USPL1: variants seen among roughly 807,000 people sequenced by gnomAD.
USPL1 encodes SUMO-specific isopeptidase USPL1.
Under a neutral mutation model 51.5 loss-of-function variants are expected in USPL1, and 27 were observed. That is an observed-to-expected ratio of 0.52 (90% CI 0.39 to 0.72). The LOEUF (loss-of-function observed/expected upper bound fraction) is 0.72. Among genes scored for constraint, USPL1 ranks in the 30% least tolerant of loss-of-function variants. The pLI is 0.00. For synonymous variants in USPL1, 451 were observed against 459.6 expected, an observed-to-expected ratio of 0.98 and a Z score of 0.24; for missense variants, 1,226 against 1,268.0, an observed-to-expected ratio of 0.97 and a Z score of 0.50.
At chr13:30,642,805 A>T in intron 6 of USPL1, 48 bp downstream of exon 6, 1 of 1,587,370 alleles carries the variant, frequency 6.3e-7, no homozygotes, top group Non-Finnish European at 8.6e-7. Flanking sequence ...TTTCTCCACC[A>T]CTAAGGTTAA....
Position 30,659,465 on chromosome 13 carries a change from AC to A in USPL1, c.*111del. 1 of 1,018,580 alleles carries A rather than the reference AC, an allele frequency of 9.8e-7. No homozygotes were observed. Among genetic ancestry groups the A allele is most frequent in the Non-Finnish European group, 1.4e-6 (1 of 731,330 alleles). 63.1% of individuals were successfully genotyped at this position (1,018,580 alleles called of 1,614,324 possible). On this transcript the variant is annotated 3_prime_UTR_variant, in exon 9 of 9. Coordinates refer to ENST00000255304, the MANE Select transcript of USPL1 (RefSeq NM_005800.5). ...GACTTGTGTAATTACTTGTGTAATA[AC>A]CATGAACAAAATGCAAGGTTTAACC...
At chr13:30,633,464 TTTAA>T (rs1475731876) in intron 4 of USPL1, among the ~76,000 whole-genome samples, 2 of 152,098 alleles carry the variant, frequency 1.3e-5, no homozygotes, top group Non-Finnish European at 2.9e-5. Flanking sequence ...TATGATCAAG[TTTAA>T]TTAAGAGTAA....
chr13:30,653,212 G>A lies in USPL1; in HGVS notation c.1303G>A (p.Ala435Thr). 1 of 1,613,042 alleles carries A rather than the reference G, an allele frequency of 6.2e-7. No homozygotes were observed. Among genetic ancestry groups the A allele is most frequent in the Non-Finnish European group, 8.5e-7 (1 of 1,179,288 alleles). The stretch of plus-strand genomic sequence containing the variant: ...ACCACAGAATGACTTGCAGCACTAT[G>A]CATTTCATTTTGAAGGCTGTCTTTA... ...GLPQNDLQHYAFHFEGCLYQI... is the reference protein window; with the variant it reads ...GLPQNDLQHYTFHFEGCLYQI... The change falls in exon 8 of 9, where the codon GCA becomes ACA. Residue 435 changes from alanine (A) to threonine (T), a missense_variant. Physicochemically the swap from Ala to Thr is moderately conservative, Grantham distance 58. Coordinates refer to ENST00000255304, the MANE Select transcript of USPL1 (RefSeq NM_005800.5).
chr13:30,640,628 T>C (rs1312459117), intron 5 of USPL1, among the ~76,000 whole-genome samples: 1 of 152,154 alleles, frequency 6.6e-6, no homozygotes, highest in African/African-American at 2.4e-5. Flanking sequence ...AGGCAGTGGT[T>C]GCAGCGAGCA....
intron 4 of USPL1, among the ~76,000 whole-genome samples, chr13:30,635,229 T>C (rs1004909532): frequency 2.0e-5 from 3 of 152,226 alleles, no homozygotes; most frequent in African/African-American, 7.2e-5. Flanking sequence ...AAATTATTAC[T>C]ATTCCCAAGG....
In USPL1 at chr13:30,621,807, C is replaced by A. The variant is rs1055731899; in HGVS notation, c.143C>A (p.Ala48Asp). 6.3e-7 allele frequency: 1 copy of A among 1,584,994 alleles called. No homozygotes were observed. The highest frequency in any genetic ancestry group is 2.3e-5 in the East Asian group (1 of 43,226). The change falls in exon 3 of 9, where the codon GCT becomes GAT. Residue 48 changes from alanine to aspartate, a missense_variant. By Grantham distance (126) the Ala-to-Asp change is moderately radical (BLOSUM62 -2). Transcript: ENST00000255304. ...GTTCCATCAGATGAGTATTGCCCTG[C>A]TTGTAGAGAGAAGGGAAAGTTAAAA... ...AKVPSDEYCP[A>D]CREKGKLKAL...
intron 8 of USPL1, among the ~76,000 whole-genome samples, chr13:30,654,280 G>C (rs1951129739): frequency 6.6e-6 from 1 of 152,064 alleles, no homozygotes; most frequent in South Asian, 2.1e-4. Flanking sequence ...TATCAATGTT[G>C]GGTGTTTTTG....
chr13:30,654,107 A>C (rs1247517392), intron 8 of USPL1, among the ~76,000 whole-genome samples: 1 of 152,210 alleles, frequency 6.6e-6, no homozygotes, highest in Non-Finnish European at 1.5e-5. Context: ...AGTTCTTTAC[A>C]ATACAAAACA....
intron 4 of USPL1, among the ~76,000 whole-genome samples, chr13:30,637,070 C>A (rs1272465065): frequency 1.3e-5 from 2 of 152,180 alleles, no homozygotes; most frequent in African/African-American, 2.4e-5. Context: ...ATCCTCCCAC[C>A]TCAGCCTCCT....
intron 4 of USPL1, among the ~76,000 whole-genome samples, chr13:30,634,119 A>G (rs990604296): frequency 6.6e-6 from 1 of 152,224 alleles, no homozygotes; most frequent in East Asian, 1.9e-4. Flanking sequence ...CTGAATTGCC[A>G]GCATTACTAT....
rs1950803850 is a variant in USPL1 at position 30,631,392 on chromosome 13, G to A, written c.786G>A (p.Glu262=). 1.2e-6 allele frequency: 2 copies of A among 1,614,060 alleles called. No individual in the cohort carries two copies. The highest frequency in any genetic ancestry group is 1.7e-5 in the Admixed American group (1 of 60,000). Residue 262 remains glutamate, a synonymous_variant, in exon 4 of 9, where the codon GAG becomes GAA. Coordinates refer to ENST00000255304, the MANE Select transcript of USPL1 (RefSeq NM_005800.5). ...CCGTGACTGGACTGTGCTCGAAGGAGGAATCTATATTCTGGCGGTTGCTTA... is the reference window on the plus strand; with the variant it reads ...CCGTGACTGGACTGTGCTCGAAGGAAGAATCTATATTCTGGCGGTTGCTTA... ...KNTVTGLCSK[E]ESIFWRLLTK...
chr13:30,635,585 G>A (rs1950865192), intron 4 of USPL1, among the ~76,000 whole-genome samples: 1 of 152,122 alleles, frequency 6.6e-6, no homozygotes, highest in Non-Finnish European at 1.5e-5. Context: ...CTTTTGAAGT[G>A]TCTTGATGCA....
At chr13:30,630,461 T>C (rs904379209) in intron 3 of USPL1, among the ~76,000 whole-genome samples, 6 of 152,236 alleles carry the variant, frequency 3.9e-5, no homozygotes, top group African/African-American at 1.4e-4. Flanking sequence ...TTAAAATGTG[T>C]AGTATAATGT....
intron 4 of USPL1, among the ~76,000 whole-genome samples, chr13:30,634,696 A>C (rs1297718780): frequency 2.0e-5 from 3 of 152,160 alleles, no homozygotes; most frequent in African/African-American, 7.2e-5. Flanking sequence ...GCACAGTATG[A>C]GTTTCCCTTC....
intron 8 of USPL1, among the ~76,000 whole-genome samples, chr13:30,653,636 T>C (rs1287132507): frequency 6.6e-6 from 1 of 152,182 alleles, no homozygotes; most frequent in Non-Finnish European, 1.5e-5. Flanking sequence ...TTTTTAGACA[T>C]ATTTCTAAGA....
chr13:30,628,579 C>G (rs1455888626), intron 3 of USPL1, among the ~76,000 whole-genome samples: 3 of 152,170 alleles, frequency 2.0e-5, no homozygotes, highest in African/African-American at 7.2e-5. Flanking sequence ...TGATGTTCCC[C>G]TCTCTGTGTC....
At chr13:30,622,392 G>A (rs958455555) in intron 3 of USPL1, among the ~76,000 whole-genome samples, 5 of 152,048 alleles carry the variant, frequency 3.3e-5, no homozygotes, top group East Asian at 1.9e-4. Context: ...AATTTGTACC[G>A]ACTGGTACGG....
At chr13:30,626,614 C>T (rs2031278) in intron 3 of USPL1, among the ~76,000 whole-genome samples, 76,260 of 151,824 alleles carry the variant, frequency 0.5, 21,797 homozygotes, top group African/African-American at 0.78. Context: ...CAAAGAGTTC[C>T]GTTATAAAAT....
rs1471368885 is a variant in USPL1 at position 30,630,880 on chromosome 13, C to G, written c.274C>G (p.Pro92Ala). The G allele has an allele frequency of 3.1e-6, 5 of 1,613,038 alleles. No homozygotes were observed. The African/African-American group carries it at 5.4e-5, about 17-fold the overall frequency. Reference sequence around the variant, plus strand: ...TAAATCACTTAATAACCTAATTTCTCCTGATTTGGAAGAATGTCACACTCC... The same window carrying G: ...TAAATCACTTAATAACCTAATTTCTGCTGATTTGGAAGAATGTCACACTCC... ...GSKSLNNLIS[P>A]DLEECHTPHK... is the part of the protein sequence containing the mutation. Residue 92 changes from proline to alanine, a missense_variant, in exon 4 of 9, where the codon CCT (proline) becomes GCT (alanine). By Grantham distance (27) the Pro-to-Ala change is conservative (BLOSUM62 -1). Coordinates refer to ENST00000255304, the MANE Select transcript of USPL1 (RefSeq NM_005800.5).
Sources: gnomAD v4.1 joint callset for allele counts (sites outside exome capture counted in the v4.1 genomes callset) on GRCh38, gnomAD v4.1.1 for gene constraint, MANE v1.5 for transcripts, NCBI Gene and HGNC (gene_info 2026-07-23, HGNC 2026-07-21) for gene names.